ZDHHC5: variants seen among roughly 807,000 people sequenced by gnomAD.
The protein encoded by ZDHHC5 is zDHHC palmitoyltransferase 5.
In ZDHHC5, 22 loss-of-function variants were observed where a neutral mutation model predicts 70.0. The ratio of observed to expected loss-of-function variants is 0.31; its 90% confidence interval spans 0.22 to 0.45. ZDHHC5 has a LOEUF of 0.45. Among genes scored for constraint, ZDHHC5 ranks in the 20% least tolerant of loss-of-function variants. The pLI is 1.00. For synonymous variants in ZDHHC5, 313 were observed against 347.8 expected (o/e 0.90, Z 1.11); for missense variants, 746 against 926.9 (o/e 0.80, Z 2.53).
At chr11:57,686,834 T>TGTG (rs374085107) in intron 3 of ZDHHC5, among the ~76,000 whole-genome samples, 1 of 70,178 alleles carries the variant, frequency 1.4e-5, no homozygotes, top group African/African-American at 5.1e-5. Flanking sequence ...TGTGTGTGTG[T>TGTG]TTTTTTTTTT....
chr11:57,692,616 G>T lies in ZDHHC5; in HGVS notation c.666G>T (p.Thr222=). 1.9e-6 allele frequency: 3 copies of T among 1,614,006 alleles called. No individual in the cohort carries two copies. The highest frequency in any genetic ancestry group is 2.5e-6 in the Non-Finnish European group (3 of 1,179,990). ...ARGRTTNEQV[T]GKFRGGVNPF... The stretch of plus-strand genomic sequence containing the variant: ...TATTTTTTTTCTCCCTCTAGGTTAC[G>T]GGTAAATTCCGGGGAGGTGTGAACC... Residue 222 remains threonine, a synonymous_variant, in exon 7 of 12, where the codon ACG becomes ACT. Transcript: ENST00000287169.
intron 2 of ZDHHC5, among the ~76,000 whole-genome samples, chr11:57,678,579 A>G (rs1044295457): frequency 6.6e-6 from 1 of 150,760 alleles, no homozygotes; most frequent in Non-Finnish European, 1.5e-5. Flanking sequence ...TCAAAAAAAA[A>G]AAAAAAAAAA....
At chr11:57,678,238 G>A (rs1429563241) in intron 2 of ZDHHC5, among the ~76,000 whole-genome samples, 1 of 152,140 alleles carries the variant, frequency 6.6e-6, no homozygotes, top group Non-Finnish European at 1.5e-5. Flanking sequence ...TGATGATAAT[G>A]ATGGTGATAG....
chr11:57,673,337 A>T, intron 2 of ZDHHC5, 143 bp downstream of exon 2: 1 of 703,200 alleles, frequency 1.4e-6, no homozygotes, highest in Non-Finnish European at 2.3e-6. Flanking sequence ...TCCCAGAGAC[A>T]TGTAAGAAAA....
Position 57,682,461 on chromosome 11 carries a change from C to A in ZDHHC5, c.144C>A (p.Pro48=), listed in dbSNP as rs1946160929. 6.2e-7 allele frequency: 1 copy of A among 1,614,044 alleles called. No individual in the cohort carries two copies. The highest frequency in any genetic ancestry group is 1.7e-5 in the Admixed American group (1 of 59,994). ...GCCTGTATGTGTCACCTGCAGTGCC[C>A]ATCTACAATGCAATTATGTTTCTCT... ...GLSLYVSPAV[P]IYNAIMFLFV... is the part of the protein sequence containing the mutation. Residue 48 remains proline, a synonymous_variant, in exon 3 of 12, where the codon CCC becomes CCA. Transcript: ENST00000287169.
intron 2 of ZDHHC5, among the ~76,000 whole-genome samples, chr11:57,677,585 C>T (rs544188487): frequency 6.6e-5 from 10 of 152,264 alleles, no homozygotes; most frequent in Non-Finnish European, 1.3e-4. Flanking sequence ...CCGCACCTGG[C>T]CACTTCACGT....
chr11:57,693,262 A>G (rs574098989), intron 7 of ZDHHC5, among the ~76,000 whole-genome samples: 19 of 152,280 alleles, frequency 1.2e-4, no homozygotes, highest in African/African-American at 4.3e-4. Context: ...AGCTCAGAGC[A>G]CACATACAAC....
chr11:57,685,048 T>C (rs1946192799), intron 3 of ZDHHC5, among the ~76,000 whole-genome samples: 2 of 152,070 alleles, frequency 1.3e-5, no homozygotes, highest in Non-Finnish European at 1.5e-5. Context: ...CTTGGGAGGC[T>C]GAGGCAGGAG....
At chr11:57,676,146 A>G (rs895896140) in intron 2 of ZDHHC5, among the ~76,000 whole-genome samples, 9 of 152,216 alleles carry the variant, frequency 5.9e-5, no homozygotes, top group African/African-American at 2.2e-4. Context: ...TTTACCTTCC[A>G]TGTTTCTTTG....
In ZDHHC5 at chr11:57,669,050, CAG is replaced by C. The variant is rs1458793167; in HGVS notation, c.-1071+864_-1071+865del. Among the ~76,000 whole-genome samples, 8 of 152,196 alleles carry C rather than the reference CAG, an allele frequency of 5.3e-5. No individual in the cohort carries two copies. The East Asian group carries it at 1.3e-3, about 26-fold the overall frequency. Reference sequence around the variant, plus strand: ...ACATTTGCATATCATCCTTCTATCTCAGTATACCTCTGTCCTGGATCAAATAT... The same window carrying C: ...ACATTTGCATATCATCCTTCTATCTCTATACCTCTGTCCTGGATCAAATAT... On this transcript the variant is annotated intron_variant, in intron 1 of 11. Coordinates refer to ENST00000287169, the MANE Select transcript of ZDHHC5 (RefSeq NM_015457.3).
At chr11:57,684,891 A>T (rs1380169779) in intron 3 of ZDHHC5, among the ~76,000 whole-genome samples, 2 of 152,104 alleles carry the variant, frequency 1.3e-5, no homozygotes, top group South Asian at 2.1e-4. Context: ...CTCACATCTT[A>T]ATCCCAGCAC....
intron 8 of ZDHHC5, among the ~76,000 whole-genome samples, chr11:57,694,329 T>C (rs1020012692): frequency 6.6e-6 from 1 of 150,950 alleles, no homozygotes; most frequent in Non-Finnish European, 1.5e-5. Context: ...CTAATTTGGG[T>C]TAAAATTACT....
At chr11:57,687,286 T>G (rs1163474734) in intron 3 of ZDHHC5, among the ~76,000 whole-genome samples, 2 of 151,556 alleles carry the variant, frequency 1.3e-5, no homozygotes, top group African/African-American at 4.9e-5. Context: ...ATAATAAAAA[T>G]TGCTCTGGGT....
chr11:57,686,021 AAAAC>A (rs532711710), intron 3 of ZDHHC5, among the ~76,000 whole-genome samples: 2 of 152,186 alleles, frequency 1.3e-5, no homozygotes, highest in East Asian at 1.9e-4. Flanking sequence ...ACTACATCTC[AAAAC>A]AAACAAACAA....
intron 10 of ZDHHC5, among the ~76,000 whole-genome samples, chr11:57,698,288 C>G (rs941368884): frequency 6.6e-6 from 1 of 152,184 alleles, no homozygotes; most frequent in Non-Finnish European, 1.5e-5. Context: ...GGCAATATAG[C>G]ATAATAGATT....
chr11:57,670,353 C>T (rs1364731957), intron 1 of ZDHHC5, among the ~76,000 whole-genome samples: 1 of 151,972 alleles, frequency 6.6e-6, no homozygotes, highest in Non-Finnish European at 1.5e-5. Context: ...CTCCTGTAAT[C>T]CCAGCTGCTC....
Position 57,668,118 on chromosome 11 carries a change from G to C in ZDHHC5, c.-1140G>C, listed in dbSNP as rs1022770467. On this transcript the variant is annotated 5_prime_UTR_variant, in exon 1 of 12. Transcript: ENST00000287169. ...TGCGGGGGCCGCGCGCTGCTTCTCT[G>C]AGGCAGGACGGCACTGCCGGGAGGC... 5.6e-5 allele frequency: 21 copies of C among 374,210 alleles called. No homozygotes were observed. The highest frequency in any genetic ancestry group is 3.6e-4 in the African/African-American group (17 of 47,572). The allele number at this position is 374,210 out of a possible 1,614,324, so 23.2% of individuals were successfully genotyped here. A position where few individuals can be genotyped will look rare whatever the true frequency, so the allele number is the denominator to read the frequency against.
chr11:57,687,256 C>CG (rs1161633747), intron 3 of ZDHHC5, among the ~76,000 whole-genome samples: 31 of 7,982 alleles, frequency 3.9e-3, no homozygotes, highest in African/African-American at 0.017. Flanking sequence ...TTCCTTCCCA[C>CG]ATTTTTTTTT....
At position 57,699,092 on chromosome 11, in the gene ZDHHC5, C is replaced by T. The variant is rs764812301; in HGVS notation, c.1656C>T (p.Arg552=). The T allele has an allele frequency of 2.5e-6, 4 of 1,613,702 alleles. No individual in the cohort carries two copies. Among genetic ancestry groups the T allele is most frequent in the Admixed American group, 1.7e-5 (1 of 59,998 alleles). Residue 552 remains arginine (R), a synonymous_variant, in exon 11 of 12, where the codon CGC becomes CGT. Coordinates refer to ENST00000287169, the MANE Select transcript of ZDHHC5 (RefSeq NM_015457.3). ...ASLQEREKLL[R]QSPPLPGREE... Reference sequence around the variant, plus strand: ...TCCAGGAACGAGAGAAGTTGCTGCGCCAGTCACCCCCACTCCCGGGCCGTG... The same window carrying T: ...TCCAGGAACGAGAGAAGTTGCTGCGTCAGTCACCCCCACTCCCGGGCCGTG...
Sources: gnomAD v4.1 joint callset for allele counts (sites outside exome capture counted in the v4.1 genomes callset) on GRCh38, gnomAD v4.1.1 for gene constraint, MANE v1.5 for transcripts, NCBI Gene and HGNC (gene_info 2026-07-23, HGNC 2026-07-21) for gene names.